SLC44A5: variants seen among roughly 807,000 people sequenced by gnomAD.
SLC44A5 encodes solute carrier family 44 member 5.
In SLC44A5, 57 loss-of-function variants were observed where a neutral mutation model predicts 101.8. That is an observed-to-expected ratio of 0.56 (90% confidence interval 0.45 to 0.70). The LOEUF is 0.70. Ranked by LOEUF, SLC44A5 falls within the 30% of genes least tolerant of loss-of-function variation. The pLI is 0.00. For missense variants in SLC44A5, 737 were observed against 853.1 expected (o/e 0.86, Z 1.70); for synonymous variants, 281 against 290.9 (o/e 0.97, Z 0.35).
chr1:75,346,002 G>A (rs144194715), intron 3 of SLC44A5, among the ~76,000 whole-genome samples: 5 of 152,188 alleles, frequency 3.3e-5, no homozygotes, highest in African/African-American at 9.6e-5. Flanking sequence ...CATTTGTTGG[G>A]GGTGAAAGAA....
intron 6 of SLC44A5, among the ~76,000 whole-genome samples, chr1:75,267,102 GTA>G (rs1278691516): frequency 6.6e-6 from 1 of 152,182 alleles, no homozygotes; most frequent in Non-Finnish European, 1.5e-5. Context: ...ATTTGCTCTA[GTA>G]TATTGCATAG....
chr1:75,606,096 A>AT lies in SLC44A5; in HGVS notation c.-70+4943dup, dbSNP rs546684486. 4.2e-4 allele frequency among the ~76,000 whole-genome samples: 63 copies of AT among 148,786 alleles called. 1 individual carries two copies. The highest frequency in any genetic ancestry group is 1.6e-3 in the Admixed American group (24 of 14,832). ...GAAGCATTAGGCTAGTTCCCGCACA[A>AT]TTTTTTTTTTTAATTTTTCTTTAGT... On this transcript the variant is annotated intron_variant, in intron 1 of 23. Transcript: ENST00000370859.
rs768838391 is a variant in SLC44A5, at chr1:75,203,526, T to C, written c.*201A>G. On this transcript the variant is annotated 3_prime_UTR_variant, in exon 24 of 24. Transcript: ENST00000370859. ...AAATGATCTTAGTATAAAAATGTTT[T>C]ATGTTATTAACAATTCCCTTGCGAC... is the stretch of plus-strand genomic sequence containing the variant. 7.1e-6 allele frequency: 3 copies of C among 425,414 alleles called. No homozygotes were observed. Among genetic ancestry groups the C allele is most frequent in the African/African-American group, 4.1e-5 (2 of 48,944 alleles). The allele number at this position is 425,414 out of a possible 1,614,324, so 26.4% of individuals were successfully genotyped here. A position where few individuals can be genotyped will look rare whatever the true frequency, so the allele number is the denominator to read the frequency against.
intron 2 of SLC44A5, among the ~76,000 whole-genome samples, chr1:75,463,342 C>A (rs4949860): frequency 6.7e-6 from 1 of 148,770 alleles, no homozygotes; most frequent in African/African-American, 2.5e-5. Flanking sequence ...ATGGCGTGAA[C>A]CTGGGAGGCG....
chr1:75,350,145 G>T (rs575901813), intron 3 of SLC44A5, among the ~76,000 whole-genome samples: 1 of 152,030 alleles, frequency 6.6e-6, no homozygotes, highest in African/African-American at 2.4e-5. Context: ...AGGGTGGTAG[G>T]TTTAGATAGA....
the SLC44A5 span, among the ~76,000 whole-genome samples, chr1:75,617,301 C>T: frequency 6.6e-6 from 1 of 152,084 alleles, no homozygotes; most frequent in Non-Finnish European, 1.5e-5. Context: ...ATTGTCTAAA[C>T]ATTCAGTGAG....
chr1:75,577,663 CTA>C (rs1673448540), intron 1 of SLC44A5, among the ~76,000 whole-genome samples: 1 of 152,166 alleles, frequency 6.6e-6, no homozygotes, highest in South Asian at 2.1e-4. Flanking sequence ...ATATAACACA[CTA>C]TATGTTTTAT....
intron 2 of SLC44A5, among the ~76,000 whole-genome samples, chr1:75,532,342 T>A (rs1318815294): frequency 6.6e-6 from 1 of 152,226 alleles, no homozygotes; most frequent in Non-Finnish European, 1.5e-5. Context: ...TGTCTAATGC[T>A]TCAGATTATC....
chr1:75,707,548 C>T, the SLC44A5 span, among the ~76,000 whole-genome samples: 2 of 152,190 alleles, frequency 1.3e-5, no homozygotes, highest in Non-Finnish European at 2.9e-5. Flanking sequence ...TCCCCCAGGG[C>T]TCTGCAGAAC....
chr1:75,217,981 A>G, intron 17 of SLC44A5, 21 bp from the exon 18 acceptor site: 2 of 1,464,646 alleles, frequency 1.4e-6, no homozygotes, highest in South Asian at 2.3e-5. Flanking sequence ...ATAAAATGAG[A>G]ATAAGTTAAA....
At chr1:75,503,204 T>TG (rs1206882871) in intron 2 of SLC44A5, among the ~76,000 whole-genome samples, 3 of 152,164 alleles carry the variant, frequency 2.0e-5, no homozygotes, top group Non-Finnish European at 4.4e-5. Flanking sequence ...TTCTCCTGGA[T>TG]AGTGTTAATA....
At chr1:75,343,983 T>A (rs1206597076) in intron 3 of SLC44A5, among the ~76,000 whole-genome samples, 2 of 152,146 alleles carry the variant, frequency 1.3e-5, no homozygotes, top group African/African-American at 2.4e-5. Flanking sequence ...TCACCAGTCT[T>A]ATTTCTTATA....
At chr1:75,347,403 A>G (rs77206273) in intron 3 of SLC44A5, among the ~76,000 whole-genome samples, 2,788 of 152,294 alleles carry the variant, frequency 0.018, 64 homozygotes, top group African/African-American at 0.052. Flanking sequence ...CCCACAATAC[A>G]TCATGATCTA....
intron 2 of SLC44A5, among the ~76,000 whole-genome samples, chr1:75,440,048 CAT>C (rs1438382683): frequency 6.6e-6 from 1 of 151,972 alleles, no homozygotes; most frequent in Non-Finnish European, 1.5e-5. Flanking sequence ...AAAAAAGTGA[CAT>C]AAAATTGTAC....
chr1:75,677,710 C>T, the SLC44A5 span: 1 of 432,188 alleles, frequency 2.3e-6, no homozygotes, highest in East Asian at 8.0e-5. Flanking sequence ...AAAACAAGAC[C>T]CAGTGCAATC....
intron 23 of SLC44A5, chr1:75,204,787 C>CA (rs1646722078): frequency 6.6e-6 from 1 of 152,162 alleles, no homozygotes; most frequent in South Asian, 2.1e-4. Context: ...CACACATGGC[C>CA]AATTTTTCAA....
At chr1:75,288,284 C>G (rs1444085547) in intron 5 of SLC44A5, among the ~76,000 whole-genome samples, 1 of 152,084 alleles carries the variant, frequency 6.6e-6, no homozygotes, top group East Asian at 1.9e-4. Flanking sequence ...CACATGGAAT[C>G]CTAAACTTGA....
At chr1:75,497,189 G>A (rs551417583) in intron 2 of SLC44A5, among the ~76,000 whole-genome samples, 7 of 152,136 alleles carry the variant, frequency 4.6e-5, no homozygotes, top group African/African-American at 1.7e-4. Flanking sequence ...GTGCTCCCAT[G>A]TTCATTGCAG....
intron 3 of SLC44A5, among the ~76,000 whole-genome samples, chr1:75,358,521 T>A (rs1036443741): frequency 6.6e-6 from 1 of 152,178 alleles, no homozygotes; most frequent in African/African-American, 2.4e-5. Flanking sequence ...GTGAAATAAC[T>A]ACTACAATCA....
Sources: allele counts gnomAD v4.1 joint callset (sites outside exome capture counted in the v4.1 genomes callset), GRCh38; gene constraint gnomAD v4.1.1; transcripts MANE v1.5; gene names NCBI Gene and HGNC (gene_info 2026-07-23, HGNC 2026-07-21).